The following CDH23 variants were observed in gnomAD, a reference collection of about 807,000 sequenced individuals.
The protein encoded by CDH23 is cadherin-23.
In CDH23, 189 loss-of-function variants were observed where a neutral mutation model predicts 317.1. The ratio of observed to expected loss-of-function variants is 0.60; its 90% CI spans 0.53 to 0.67. CDH23 has a LOEUF of 0.67. CDH23 is among the 30% of genes least tolerant of loss of function. The pLI, the probability that CDH23 is intolerant of heterozygous loss-of-function variation, is 0.00. For missense variants in CDH23, 4,401 were observed against 4,592.4 expected (o/e 0.96, Z 1.20); for synonymous variants, 1,839 against 1,876.8 (o/e 0.98, Z 0.52).
chr10:71,811,397 A>G lies in CDH23; in HGVS notation c.9160A>G (p.Ile3054Val). ...CAACGTCCTGGACGTGCAGCCTGCC[A>G]TCTCTGTCCGGCTGCCGGATGACAT... ...NYNVLDVQPA[I>V]SVRLPDDMSA... Residue 3054 changes from isoleucine (I) to valine (V), a missense_variant, in exon 63 of 70, where the codon ATC (isoleucine) becomes GTC (valine). By Grantham distance (29) the Ile-to-Val change is conservative. This residue lies in a region of CDH23 where 1,144 missense variants were observed against 1,138.2 expected (regional missense o/e 1.01). Coordinates refer to ENST00000224721, the MANE Select transcript of CDH23 (RefSeq NM_022124.6). The G allele has an allele frequency of 3.7e-6, 6 of 1,613,834 alleles. No individual in the cohort carries two copies. Among genetic ancestry groups the G allele is most frequent in the Non-Finnish European group, 5.1e-6 (6 of 1,179,848 alleles).
chr10:71,507,156 G>A (rs1016789813), intron 3 of CDH23, among the ~76,000 whole-genome samples: 4 of 152,190 alleles, frequency 2.6e-5, no homozygotes, highest in African/African-American at 7.2e-5. Context: ...TGAGGATTGC[G>A]GTCCAGGGGG....
intron 1 of CDH23, among the ~76,000 whole-genome samples, chr10:71,403,408 T>TTTCTTTCTTTCTCTTC (rs1320188460): frequency 1.1e-4 from 6 of 57,066 alleles, no homozygotes; most frequent in Non-Finnish European, 8.5e-5. Flanking sequence ...TCTTTCTTTC[T>TTTCTTTCTTTCTCTTC]CTTCCTTCCT....
chr10:71,504,274 A>T (rs1027481063), intron 3 of CDH23, among the ~76,000 whole-genome samples: 1 of 152,144 alleles, frequency 6.6e-6, no homozygotes, highest in African/African-American at 2.4e-5. Flanking sequence ...GGATTACTCT[A>T]GGTACCTTAT....
intron 1 of CDH23, among the ~76,000 whole-genome samples, chr10:71,421,049 G>C (rs575443557): frequency 6.6e-6 from 1 of 152,228 alleles, no homozygotes. Flanking sequence ...CTGCCTGTGG[G>C]GTCTGTCATT....
chr10:71,577,783 G>T, intron 8 of CDH23, 131 bp from the exon 9 acceptor site: 1 of 722,580 alleles, frequency 1.4e-6, no homozygotes. Flanking sequence ...CTGAGCCCTT[G>T]GCATCTACTT....
chr10:71,639,097 C>T (rs564850188), intron 11 of CDH23, among the ~76,000 whole-genome samples: 2 of 152,220 alleles, frequency 1.3e-5, no homozygotes, highest in Non-Finnish European at 2.9e-5. Context: ...GGCCTCCCCG[C>T]GGGCAGCTGC....
chr10:71,607,721 G>A (rs1404231909), intron 9 of CDH23, among the ~76,000 whole-genome samples: 2 of 152,174 alleles, frequency 1.3e-5, no homozygotes, highest in Non-Finnish European at 2.9e-5. Context: ...TGGGCAACAT[G>A]GTGAAACCCT....
intron 29 of CDH23, 105 bp downstream of exon 29, chr10:71,724,210 A>T: frequency 8.1e-7 from 1 of 1,234,800 alleles, no homozygotes; most frequent in East Asian, 2.5e-5. Flanking sequence ...GAGAACCCCC[A>T]GGGCCATATA....
intron 24 of CDH23, 72 bp from the exon 25 acceptor site, chr10:71,704,839 G>A: frequency 8.3e-7 from 1 of 1,203,020 alleles, no homozygotes. Flanking sequence ...GGGAGGAGGA[G>A]CACTTCTTGG....
At chr10:71,691,287 T>C (rs1865174928) in intron 20 of CDH23, among the ~76,000 whole-genome samples, 1 of 152,172 alleles carries the variant, frequency 6.6e-6, no homozygotes, top group Non-Finnish European at 1.5e-5. Context: ...TGGGGAAGAA[T>C]TGGGACTTCT....
chr10:71,403,718 T>C (rs1012651385), intron 1 of CDH23, among the ~76,000 whole-genome samples: 63 of 151,596 alleles, frequency 4.2e-4, no homozygotes, highest in Non-Finnish European at 7.4e-4. Flanking sequence ...GGTTTCACCA[T>C]GTTTACCGGG....
At chr10:71,678,325 G>C (rs535022024) in intron 16 of CDH23, among the ~76,000 whole-genome samples, 32 of 152,258 alleles carry the variant, frequency 2.1e-4, no homozygotes, top group African/African-American at 7.5e-4. Flanking sequence ...ACCCAGAGGG[G>C]AGGAGGCTTG....
intron 3 of CDH23, among the ~76,000 whole-genome samples, chr10:71,469,544 A>G (rs748005362): frequency 4.6e-5 from 7 of 152,162 alleles, no homozygotes; most frequent in Non-Finnish European, 7.3e-5. Flanking sequence ...ACTCATTGAT[A>G]GACATTTGGG....
intron 19 of CDH23, among the ~76,000 whole-genome samples, chr10:71,688,327 C>T (rs1564732965): frequency 6.6e-6 from 1 of 152,250 alleles, no homozygotes; most frequent in Non-Finnish European, 1.5e-5. Flanking sequence ...GGAACTGCTG[C>T]AGTGGCTGAA....
At chr10:71,609,439 C>T (rs1315433372) in intron 9 of CDH23, among the ~76,000 whole-genome samples, 1 of 152,146 alleles carries the variant, frequency 6.6e-6, no homozygotes, top group Non-Finnish European at 1.5e-5. Flanking sequence ...GACCTGTGCT[C>T]ACTGTCCCCA....
At chr10:71,798,308 A>T (rs763423757) in intron 49 of CDH23, 46 bp from the exon 50 acceptor site, 2 of 1,454,642 alleles carry the variant, frequency 1.4e-6, no homozygotes, top group Non-Finnish European at 1.9e-6. Flanking sequence ...TGGCCCAGCC[A>T]CACTAGTGTC....
In CDH23 at chr10:71,675,150, C is replaced by T. The variant is rs773695815; in HGVS notation, c.1488C>T (p.Ser496=). The change falls in exon 15 of 70, where the codon AGC becomes AGT. Residue 496 remains serine, a synonymous_variant. Transcript: ENST00000224721. ...DNDAGTFGEV[S]YFFSDDPDRF... ...ATGCAGGCACCTTTGGGGAAGTCAG[C>T]TACTTCTTCAGTGATGACCCTGACA... 6.2e-7 allele frequency: 1 copy of T among 1,613,990 alleles called. No individual in the cohort carries two copies. The highest frequency in any genetic ancestry group is 1.7e-5 in the Admixed American group (1 of 60,028).
intron 23 of CDH23, 24 bp downstream of exon 23, chr10:71,702,235 C>G: frequency 3.1e-6 from 5 of 1,606,944 alleles, no homozygotes; most frequent in Non-Finnish European, 4.3e-6. Context: ...TCGCCCCTCA[C>G]GGCCCCCACA....
At chr10:71,729,374 G>A (rs1866960227) in intron 30 of CDH23, among the ~76,000 whole-genome samples, 1 of 152,244 alleles carries the variant, frequency 6.6e-6, no homozygotes, top group Non-Finnish European at 1.5e-5. Context: ...AGGAAAAACA[G>A]ACAGCAAAGT....
Sources: allele counts gnomAD v4.1 joint callset (sites outside exome capture counted in the v4.1 genomes callset), GRCh38; gene constraint gnomAD v4.1.1; regional missense constraint gnomAD v4.1.1; transcripts MANE v1.5; gene names NCBI Gene and HGNC (gene_info 2026-07-23, HGNC 2026-07-21).